The following COBLL1 variants were observed in gnomAD, a reference collection of about 807,000 sequenced individuals.
The protein encoded by COBLL1 is cordon-bleu WH2 repeat protein like 1.
A neutral mutation model predicts 94.8 loss-of-function variants in COBLL1; 50 were observed. That is an observed-to-expected ratio of 0.53 (90% confidence interval 0.42 to 0.67). The LOEUF (loss-of-function observed/expected upper bound fraction) is 0.67. Ranked by LOEUF, COBLL1 falls within the 30% of genes least tolerant of loss-of-function variation. The pLI, the probability that COBLL1 is intolerant of heterozygous loss-of-function variation, is 0.00. For synonymous variants in COBLL1, 448 were observed against 473.8 expected (o/e 0.95, Z 0.71); for missense variants, 1,362 against 1,348.7 (o/e 1.01, Z -0.15).
chr2:164,665,676 A>C (rs1691148835), intron 2 of COBLL1, among the ~76,000 whole-genome samples: 1 of 152,242 alleles, frequency 6.6e-6, no homozygotes. Context: ...TTTTTTAATT[A>C]AATTAATTCA....
intron 2 of COBLL1, 62 bp from the exon 3 acceptor site, chr2:164,743,937 A>C: frequency 8.3e-7 from 1 of 1,202,608 alleles, no homozygotes; most frequent in Non-Finnish European, 1.1e-6. Context: ...ACTTTTTAAT[A>C]TGATGTATTT....
chr2:164,689,712 T>C (rs1260219428), intron 13 of COBLL1, among the ~76,000 whole-genome samples: 1 of 152,168 alleles, frequency 6.6e-6, no homozygotes, highest in Non-Finnish European at 1.5e-5. Flanking sequence ...TTCTTCAGCA[T>C]AGATTTTAGC....
chr2:164,730,969 T>C (rs1685978628), intron 3 of COBLL1, among the ~76,000 whole-genome samples: 1 of 152,208 alleles, frequency 6.6e-6, no homozygotes, highest in Non-Finnish European at 1.5e-5. Context: ...AGTATTATAG[T>C]ATATCTGTTC....
chr2:164,670,311 G>A (rs147619172), intron 1 of COBLL1, among the ~76,000 whole-genome samples: 83 of 152,300 alleles, frequency 5.4e-4, no homozygotes, highest in African/African-American at 1.8e-3. Context: ...AATATTATCA[G>A]TGGTTGTTTC....
intron 2 of COBLL1, among the ~76,000 whole-genome samples, chr2:164,808,742 TA>T (rs2105335354): frequency 6.6e-6 from 1 of 152,266 alleles, no homozygotes; most frequent in South Asian, 2.1e-4. Context: ...AATACAACAC[TA>T]TTACTTTTTT....
chr2:164,768,660 A>C (rs533821366), intron 2 of COBLL1, among the ~76,000 whole-genome samples: 22 of 152,262 alleles, frequency 1.4e-4, no homozygotes, highest in African/African-American at 5.1e-4. Flanking sequence ...CCTATCATAT[A>C]TCCCTTAGTA....
chr2:164,668,509 A>G (rs1481226919), intron 1 of COBLL1, among the ~76,000 whole-genome samples: 1 of 152,210 alleles, frequency 6.6e-6, no homozygotes, highest in African/African-American at 2.4e-5. Context: ...TTGCTGTCTT[A>G]CATTTTACAA....
At position 164,722,085 on chromosome 2, in the gene COBLL1, T is replaced by G; in HGVS notation, c.986A>C (p.Glu329Ala). The change falls in exon 7 of 14, where the codon GAG becomes GCG. Residue 329 changes from glutamate (E) to alanine (A), a missense_variant. Coordinates refer to ENST00000652658, the MANE Select transcript of COBLL1 (RefSeq NM_001365672.2). ...SCIVKSMSVD[E>A]TDKSPCEAGR... ...AACAAAACTACACACCTTATCTGTCTCATCCACGCTCATGGATTTCACTAT... is the reference window on the plus strand; with the variant it reads ...AACAAAACTACACACCTTATCTGTCGCATCCACGCTCATGGATTTCACTAT... 3 of 1,595,738 alleles carry G rather than the reference T, an allele frequency of 1.9e-6. No individual in the cohort carries two copies. The highest frequency in any genetic ancestry group is 2.6e-6 in the Non-Finnish European group (3 of 1,170,756).
At chr2:164,833,211 G>A (rs1196470455) in intron 2 of COBLL1, among the ~76,000 whole-genome samples, 1 of 151,964 alleles carries the variant, frequency 6.6e-6, no homozygotes, top group Admixed American at 6.6e-5. Context: ...AAAATTAGCT[G>A]GGCATGGTGG....
intron 2 of COBLL1, among the ~76,000 whole-genome samples, chr2:164,747,099 T>G (rs1466847414): frequency 6.6e-6 from 1 of 152,054 alleles, no homozygotes; most frequent in East Asian, 1.9e-4. Context: ...CCACAGAAGA[T>G]GCACTACCTA....
At chr2:164,804,226 G>C (rs920555184) in intron 2 of COBLL1, among the ~76,000 whole-genome samples, 3 of 152,012 alleles carry the variant, frequency 2.0e-5, no homozygotes, top group African/African-American at 7.3e-5. Flanking sequence ...AGTAAGACCA[G>C]AGACAGGAAA....
intron 11 of COBLL1, among the ~76,000 whole-genome samples, chr2:164,698,862 A>T (rs2105440255): frequency 6.6e-6 from 1 of 152,128 alleles, no homozygotes; most frequent in African/African-American, 2.4e-5. Flanking sequence ...ATGCCTTATG[A>T]TATAGAAATA....
chr2:164,658,204 G>T (rs563987829), intron 2 of COBLL1, among the ~76,000 whole-genome samples: 1 of 152,240 alleles, frequency 6.6e-6, no homozygotes, highest in Non-Finnish European at 1.5e-5. Flanking sequence ...TAGGCTTAGG[G>T]ATTCTTAGTC....
chr2:164,816,251 G>T lies in COBLL1; in HGVS notation c.41+24905C>A, dbSNP rs149588562. Among the ~76,000 whole-genome samples, 506 of 152,228 alleles carry T rather than the reference G, an allele frequency of 3.3e-3. 1 individual carries two copies. The highest frequency in any genetic ancestry group is 5.7e-3 in the Admixed American group (87 of 15,284). ...TGAACCAGTAGAATTCCACACTGAA[G>T]AAACAGCAGGCAAAGGCAAGGAGGT... is the stretch of plus-strand genomic sequence containing the variant. On this transcript the variant is annotated intron_variant, in intron 2 of 13. Transcript: ENST00000652658.
chr2:164,727,136 C>T (rs1295903123), intron 5 of COBLL1: 1 of 1,505,348 alleles, frequency 6.6e-7, no homozygotes, highest in Admixed American at 2.0e-5. Flanking sequence ...AAGACAGTAA[C>T]AGAAGTGGCT....
chr2:164,735,181 G>C (rs915908382), intron 3 of COBLL1, among the ~76,000 whole-genome samples: 6 of 152,134 alleles, frequency 3.9e-5, no homozygotes, highest in African/African-American at 1.4e-4. Context: ...TTGTCGAATG[G>C]GGAATTTAGA....
At chr2:164,798,450 T>C (rs959426692) in intron 2 of COBLL1, among the ~76,000 whole-genome samples, 2 of 152,208 alleles carry the variant, frequency 1.3e-5, no homozygotes, top group African/African-American at 4.8e-5. Context: ...GAGATTACTC[T>C]GACGTTACAT....
chr2:164,681,970 A>G lies in COBLL1; in HGVS notation c.*3976T>C, dbSNP rs1205242833. The G allele has an allele frequency of 1.3e-5, 2 of 152,220 alleles. No homozygotes were observed. Among genetic ancestry groups the G allele is most frequent in the Non-Finnish European group, 2.9e-5 (2 of 68,038 alleles). 9.4% of individuals were successfully genotyped at this position (152,220 alleles called of 1,614,324 possible). A position where few individuals can be genotyped will look rare whatever the true frequency, so the allele number is the denominator to read the frequency against. On this transcript the variant is annotated 3_prime_UTR_variant, in exon 14 of 14. Coordinates refer to ENST00000652658, the MANE Select transcript of COBLL1 (RefSeq NM_001365672.2). ...GATGGAAATTTGCAGGAAAGTGGTA[A>G]CATTTAAGAGAAAAGGAAAACCAAC...
chr2:164,749,256 A>G (rs1378356433), intron 2 of COBLL1, among the ~76,000 whole-genome samples: 3 of 152,184 alleles, frequency 2.0e-5, no homozygotes, highest in African/African-American at 7.2e-5. Context: ...TCATATTTAT[A>G]AAGTATTCTT....
Sources: allele counts gnomAD v4.1 joint callset (sites outside exome capture counted in the v4.1 genomes callset), GRCh38; gene constraint gnomAD v4.1.1; transcripts MANE v1.5; gene names NCBI Gene and HGNC (gene_info 2026-07-23, HGNC 2026-07-21).